Variants in LRRC4C observed in about 807,000 individuals in gnomAD.
LRRC4C encodes the protein leucine-rich repeat-containing protein 4C.
In LRRC4C, 5 loss-of-function variants were observed where a neutral mutation model predicts 33.6. The ratio of observed to expected loss-of-function variants is 0.15; its 90% CI spans 0.08 to 0.31. The LOEUF (loss-of-function observed/expected upper bound fraction) is 0.31, where lower values mean the gene tolerates loss of function less well. LRRC4C is among the 10% of genes least tolerant of loss of function. The pLI is 1.00. For synonymous variants in LRRC4C, 329 were observed against 302.0 expected (o/e 1.09, Z -0.93); for missense variants, 560 against 796.7 (o/e 0.70, Z 3.58).
At chr11:40,507,701 G>A (rs1027376845) in intron 3 of LRRC4C, among the ~76,000 whole-genome samples, 3 of 150,346 alleles carry the variant, frequency 2.0e-5, no homozygotes, top group Admixed American at 2.0e-4. Flanking sequence ...CTATACTGGA[G>A]AAAAACATAA....
At chr11:40,807,129 C>T (rs1951287153) in intron 2 of LRRC4C, among the ~76,000 whole-genome samples, 1 of 152,200 alleles carries the variant, frequency 6.6e-6, no homozygotes, top group Non-Finnish European at 1.5e-5. Flanking sequence ...GGGCACCTCA[C>T]TCCAACTTCA....
intron 3 of LRRC4C, among the ~76,000 whole-genome samples, chr11:40,485,868 T>G (rs2138452982): frequency 6.6e-6 from 1 of 151,980 alleles, no homozygotes; most frequent in East Asian, 1.9e-4. Flanking sequence ...GATAGAGCCA[T>G]TATCCTAAGC....
chr11:41,405,540 T>C (rs1954200955), intron 1 of LRRC4C, among the ~76,000 whole-genome samples: 1 of 152,142 alleles, frequency 6.6e-6, no homozygotes, highest in African/African-American at 2.4e-5. Context: ...GCCATCTGAA[T>C]TACTTACATG....
At chr11:40,503,965 T>C (rs1272020608) in intron 3 of LRRC4C, among the ~76,000 whole-genome samples, 6 of 152,108 alleles carry the variant, frequency 3.9e-5, no homozygotes, top group Non-Finnish European at 8.8e-5. Context: ...CAGTAAACCA[T>C]GGCGTTTTGA....
At chr11:41,392,985 A>G (rs1440640356) in intron 1 of LRRC4C, among the ~76,000 whole-genome samples, 1 of 151,856 alleles carries the variant, frequency 6.6e-6, no homozygotes, top group Non-Finnish European at 1.5e-5. Flanking sequence ...TTATGACAAT[A>G]TACCTGTTTT....
chr11:41,046,180 C>T (rs1351218845), intron 1 of LRRC4C, among the ~76,000 whole-genome samples: 1 of 152,048 alleles, frequency 6.6e-6, no homozygotes, highest in Non-Finnish European at 1.5e-5. Context: ...AAAATGATTG[C>T]AACATTAGAT....
At chr11:40,450,379 A>G (rs903253818) in intron 3 of LRRC4C, among the ~76,000 whole-genome samples, 3 of 152,176 alleles carry the variant, frequency 2.0e-5, no homozygotes, top group African/African-American at 7.2e-5. Flanking sequence ...GAAAGTGTCT[A>G]TGACCTGTGT....
rs1437031344 is a variant in LRRC4C at position 40,453,610 on chromosome 11, A to C, written c.-269-133889T>G. The stretch of plus-strand genomic sequence containing the variant: ...CCTGATACCAAAACCACAAAAAGGC[A>C]TTCTAAGAAAAAAAAAACAACTACG... On this transcript the variant is annotated intron_variant, in intron 3 of 6. Coordinates refer to ENST00000528697, the MANE Select transcript of LRRC4C (RefSeq NM_001258419.2). Among the ~76,000 whole-genome samples the C allele has an allele frequency of 2.1e-5, 3 of 142,716 alleles. No individual in the cohort carries two copies. In the East Asian group the frequency reaches 6.7e-4, roughly 32 times the overall value. 93.6% of individuals were successfully genotyped at this position (142,716 alleles called of 152,430 possible).
intron 5 of LRRC4C, among the ~76,000 whole-genome samples, chr11:40,150,033 G>A (rs1356570588): frequency 1.3e-5 from 2 of 152,174 alleles, no homozygotes; most frequent in Non-Finnish European, 2.9e-5. Flanking sequence ...CCTTTCAAAA[G>A]CCCTAGGGGA....
At chr11:40,593,109 C>A (rs1959132776) in intron 3 of LRRC4C, among the ~76,000 whole-genome samples, 1 of 152,106 alleles carries the variant, frequency 6.6e-6, no homozygotes, top group Non-Finnish European at 1.5e-5. Flanking sequence ...TTATTCATAG[C>A]CTGAACTCTC....
intron 4 of LRRC4C, among the ~76,000 whole-genome samples, chr11:40,243,202 AT>A (rs1386408740): frequency 6.6e-6 from 1 of 152,176 alleles, no homozygotes; most frequent in East Asian, 1.9e-4. Context: ...ATGTGTTCAA[AT>A]TGGTTTAAAA....
chr11:40,202,313 T>A (rs139518736), intron 5 of LRRC4C, among the ~76,000 whole-genome samples: 1 of 151,850 alleles, frequency 6.6e-6, no homozygotes, highest in African/African-American at 2.4e-5. Flanking sequence ...TGTTTTTTTT[T>A]AATAGCTGAT....
At chr11:40,495,278 GAAC>G (rs1032058574) in intron 3 of LRRC4C, among the ~76,000 whole-genome samples, 5 of 151,878 alleles carry the variant, frequency 3.3e-5, no homozygotes, top group Admixed American at 6.6e-5. Flanking sequence ...CAAAACAAAC[GAAC>G]AACCTCTCCG....
chr11:40,377,396 G>T (rs893941196), intron 3 of LRRC4C, among the ~76,000 whole-genome samples: 2 of 152,066 alleles, frequency 1.3e-5, no homozygotes, highest in African/African-American at 2.4e-5. Context: ...TGATTAATTT[G>T]TCATCAACAA....
intron 1 of LRRC4C, among the ~76,000 whole-genome samples, chr11:41,249,666 G>A (rs1003065713): frequency 1.2e-4 from 18 of 152,096 alleles, no homozygotes; most frequent in Non-Finnish European, 2.5e-4. Context: ...ACTTGCTGCC[G>A]TAACTGCTTA....
intron 1 of LRRC4C, among the ~76,000 whole-genome samples, chr11:41,276,528 A>G (rs558901058): frequency 1.3e-5 from 2 of 152,312 alleles, no homozygotes; most frequent in East Asian, 3.9e-4. Context: ...GGCACATATC[A>G]TTTAATTATG....
intron 1 of LRRC4C, among the ~76,000 whole-genome samples, chr11:41,249,528 A>T (rs1027408930): frequency 2.6e-5 from 4 of 152,070 alleles, no homozygotes; most frequent in Admixed American, 6.5e-5. Context: ...ACTTACCATG[A>T]CTTATAGCAT....
chr11:41,338,820 G>A (rs1951539016), intron 1 of LRRC4C, among the ~76,000 whole-genome samples: 1 of 151,998 alleles, frequency 6.6e-6, no homozygotes, highest in Admixed American at 6.6e-5. Context: ...GAAAATCTGA[G>A]TTCCTACTCT....
At chr11:41,099,400 A>G (rs918610922) in intron 1 of LRRC4C, among the ~76,000 whole-genome samples, 3 of 152,054 alleles carry the variant, frequency 2.0e-5, no homozygotes, top group Non-Finnish European at 4.4e-5. Flanking sequence ...GAAAAAAAAA[A>G]ACTTCAGACC....
Sources: allele counts gnomAD v4.1 joint callset (sites outside exome capture counted in the v4.1 genomes callset), GRCh38; gene constraint gnomAD v4.1.1; transcripts MANE v1.5; gene names NCBI Gene and HGNC (gene_info 2026-07-23, HGNC 2026-07-21).